The following VAV3 variants were observed in gnomAD, a reference collection of about 807,000 sequenced individuals.
VAV3 encodes the protein vav guanine nucleotide exchange factor 3.
VAV3 carries 94 observed loss-of-function variants against 131.2 expected under a neutral mutation model. That is an observed-to-expected ratio of 0.72 (90% CI 0.61 to 0.85). The LOEUF (loss-of-function observed/expected upper bound fraction) is 0.85. VAV3 is among the 40% of genes least tolerant of loss of function. The probability of loss-of-function intolerance (pLI) is 0.00; values close to 1 mark genes in which losing one functional copy is unlikely to be tolerated. For missense variants in VAV3, 939 were observed against 1,002.7 expected, an observed-to-expected ratio of 0.94 and a Z score of 0.86; for synonymous variants, 349 against 342.0, an observed-to-expected ratio of 1.02 and a Z score of -0.22.
At chr1:107,704,770 G>A in intron 16 of VAV3, 120 bp from the exon 17 acceptor site, 1 of 991,504 alleles carries the variant, frequency 1.0e-6, no homozygotes, top group Non-Finnish European at 1.5e-6. Context: ...CCTTGGTAGA[G>A]GGAGACGAGC....
At chr1:107,795,353 A>T (rs1198202967) in intron 2 of VAV3, among the ~76,000 whole-genome samples, 1 of 152,086 alleles carries the variant, frequency 6.6e-6, no homozygotes, top group Non-Finnish European at 1.5e-5. Flanking sequence ...CTATATAAAA[A>T]CTCTTACAGG....
At chr1:107,907,720 C>CCCTTCCA (rs781649552) in intron 1 of VAV3, among the ~76,000 whole-genome samples, 2 of 152,136 alleles carry the variant, frequency 1.3e-5, no homozygotes, top group African/African-American at 4.8e-5. Flanking sequence ...TACTCTCTTG[C>CCCTTCCA]CCTTCCACCT....
intron 18 of VAV3, among the ~76,000 whole-genome samples, chr1:107,685,529 T>C (rs776684816): frequency 2.3e-4 from 35 of 152,186 alleles, no homozygotes; most frequent in Non-Finnish European, 4.0e-4. Context: ...ACTTATACTT[T>C]AGGTTCTTCC....
chr1:107,818,964 C>T (rs531648015), intron 2 of VAV3, among the ~76,000 whole-genome samples: 3 of 152,186 alleles, frequency 2.0e-5, no homozygotes, highest in African/African-American at 2.4e-5. Context: ...TTCAGTTTTA[C>T]GACACAAGAA....
intron 1 of VAV3, among the ~76,000 whole-genome samples, chr1:107,897,701 G>A (rs986023984): frequency 2.0e-5 from 3 of 152,086 alleles, no homozygotes; most frequent in Admixed American, 1.3e-4. Context: ...CCTCAGAACC[G>A]CTTATCTGAG....
At chr1:107,788,674 T>C (rs11576720) in intron 2 of VAV3, among the ~76,000 whole-genome samples, 17,827 of 152,230 alleles carry the variant, frequency 0.12, 1,180 homozygotes, top group Non-Finnish European at 0.14. Flanking sequence ...GTTAGCTGCC[T>C]GAAAGCACAG....
Position 107,669,934 on chromosome 1 carries a change from T to C in VAV3, c.1777+13554A>G, listed in dbSNP as rs965159437. ...GTTACAGTTGAGAATCTGAGATACA[T>C]GGCAAAATAAAGATGATTTCACAAC... On this transcript the variant is annotated intron_variant, in intron 19 of 26. Coordinates refer to ENST00000370056, the MANE Select transcript of VAV3 (RefSeq NM_006113.5). 3.3e-5 allele frequency among the ~76,000 whole-genome samples: 5 copies of C among 152,336 alleles called. No homozygotes were observed. The South Asian group carries it at 6.2e-4, about 19-fold the overall frequency.
At chr1:107,933,071 T>A (rs1157345271) in intron 1 of VAV3, among the ~76,000 whole-genome samples, 1 of 152,224 alleles carries the variant, frequency 6.6e-6, no homozygotes, top group Admixed American at 6.5e-5. Flanking sequence ...AATATGCCTA[T>A]GTATAAGAAA....
intron 2 of VAV3, among the ~76,000 whole-genome samples, chr1:107,797,496 A>G (rs1048541476): frequency 1.3e-5 from 2 of 152,222 alleles, no homozygotes; most frequent in African/African-American, 2.4e-5. Context: ...GAAGAACTAC[A>G]AACAGGTATT....
chr1:107,609,878 G>A lies in VAV3; in HGVS notation c.2015+53C>T, dbSNP rs1038683018. On this transcript the variant is annotated intron_variant, in intron 22 of 26. Coordinates refer to ENST00000370056, the MANE Select transcript of VAV3 (RefSeq NM_006113.5). Reference sequence around the variant, plus strand: ...CTACCCCCACATTTAAGGCATCCTGGAGCTAAGGGTATGGTATTTCAACCT... The same window carrying A: ...CTACCCCCACATTTAAGGCATCCTGAAGCTAAGGGTATGGTATTTCAACCT... 2.5e-5 allele frequency: 39 copies of A among 1,565,528 alleles called. No individual in the cohort carries two copies. The African/African-American group carries it at 4.6e-4, about 18-fold the overall frequency.
At chr1:107,927,102 T>C (rs1354504606) in intron 1 of VAV3, among the ~76,000 whole-genome samples, 4 of 152,146 alleles carry the variant, frequency 2.6e-5, no homozygotes, top group Non-Finnish European at 4.4e-5. Flanking sequence ...GCATCTTGGA[T>C]ACCAGCTCAG....
intron 9 of VAV3, among the ~76,000 whole-genome samples, chr1:107,763,448 A>G (rs952655132): frequency 6.6e-6 from 1 of 152,214 alleles, no homozygotes; most frequent in African/African-American, 2.4e-5. Context: ...ACTATCTGGG[A>G]GCACAATTTT....
At chr1:107,619,011 T>TTGAGATATCAC (rs1653378040) in intron 20 of VAV3, among the ~76,000 whole-genome samples, 5 of 152,110 alleles carry the variant, frequency 3.3e-5, no homozygotes, top group Middle Eastern at 3.4e-3. Flanking sequence ...GATCCCATGG[T>TTGAGATATCAC]AAGGAAAGGA....
At chr1:107,832,617 C>G (rs191102150) in intron 2 of VAV3, among the ~76,000 whole-genome samples, 44 of 152,278 alleles carry the variant, frequency 2.9e-4, no homozygotes, top group Non-Finnish European at 5.3e-4. Context: ...ATGAACTCTT[C>G]CAACTGTCTA....
intron 1 of VAV3, among the ~76,000 whole-genome samples, chr1:107,880,366 T>C (rs552774107): frequency 4.1e-4 from 63 of 152,244 alleles, no homozygotes; most frequent in African/African-American, 1.3e-3. Context: ...CTTGGGGCAG[T>C]GGAAGCGGTT....
intron 15 of VAV3, among the ~76,000 whole-genome samples, chr1:107,718,820 C>T (rs185992709): frequency 3.9e-5 from 6 of 152,264 alleles, no homozygotes; most frequent in Admixed American, 3.3e-4. Flanking sequence ...TACAAGACCA[C>T]AGTAACCAAA....
At chr1:107,721,590 C>A (rs1387502798) in intron 15 of VAV3, among the ~76,000 whole-genome samples, 1 of 152,134 alleles carries the variant, frequency 6.6e-6, no homozygotes, top group Non-Finnish European at 1.5e-5. Flanking sequence ...ATGATGAGAG[C>A]TGTGCTTTCA....
At chr1:107,745,722 C>T (rs1261199250) in intron 15 of VAV3, among the ~76,000 whole-genome samples, 1 of 152,074 alleles carries the variant, frequency 6.6e-6, no homozygotes, top group Non-Finnish European at 1.5e-5. Context: ...CAGTGATTTG[C>T]AATAATTTTA....
intron 19 of VAV3, among the ~76,000 whole-genome samples, chr1:107,651,517 AAAGG>A (rs774454692): frequency 1.4e-5 from 2 of 143,444 alleles, no homozygotes; most frequent in Admixed American, 6.9e-5. Context: ...TTTTTTTCAA[AAAGG>A]AAGGAAGAAA....
Sources: allele counts gnomAD v4.1 joint callset (sites outside exome capture counted in the v4.1 genomes callset), GRCh38; gene constraint gnomAD v4.1.1; transcripts MANE v1.5; gene names NCBI Gene and HGNC (gene_info 2026-07-23, HGNC 2026-07-21).